Variants in DENND1A observed in about 807,000 individuals in gnomAD.
DENND1A encodes the protein DENN domain containing 1A, also known as DENN domain-containing protein 1A.
Under a neutral mutation model 113.7 loss-of-function variants are expected in DENND1A, and 51 were observed. The observed-to-expected ratio is 0.45, with a 90% confidence interval of 0.36 to 0.57. DENND1A has a LOEUF of 0.57. DENND1A is among the 20% of genes least tolerant of loss of function. The pLI is 0.00. For missense variants in DENND1A, 1,258 were observed against 1,395.9 expected (o/e 0.90, Z 1.57); for synonymous variants, 565 against 570.8 (o/e 0.99, Z 0.14).
Position 123,680,412 on chromosome 9 carries a change from G to A in DENND1A, c.303-3623C>T, listed in dbSNP as rs552449289. On this transcript the variant is annotated intron_variant, in intron 5 of 23. Transcript: ENST00000394215. Reference sequence around the variant, plus strand: ...GGCCCTTGTAAGGAGGGCAAGGGCAGGTTCTAAAGACAGCACTTATGGCAG... The same window carrying A: ...GGCCCTTGTAAGGAGGGCAAGGGCAAGTTCTAAAGACAGCACTTATGGCAG... Among the ~76,000 whole-genome samples the A allele has an allele frequency of 7.2e-5, 11 of 152,366 alleles. No homozygotes were observed. In the East Asian group the frequency reaches 2.1e-3, roughly 29 times the overall value.
At chr9:123,417,310 G>T (rs1233057705) in intron 19 of DENND1A, among the ~76,000 whole-genome samples, 1 of 152,212 alleles carries the variant, frequency 6.6e-6, no homozygotes, top group African/African-American at 2.4e-5. Flanking sequence ...TATCAGCAAG[G>T]TTCTGTTGAA....
intron 13 of DENND1A, among the ~76,000 whole-genome samples, chr9:123,461,386 A>G (rs1254128438): frequency 1.3e-5 from 2 of 152,200 alleles, no homozygotes; most frequent in Admixed American, 6.5e-5. Context: ...CCACGAAATG[A>G]GTTGAACCCT....
At chr9:123,734,301 T>C (rs1202867685) in intron 5 of DENND1A, among the ~76,000 whole-genome samples, 4 of 152,166 alleles carry the variant, frequency 2.6e-5, no homozygotes, top group East Asian at 1.9e-4. Context: ...TCAGAGGAAA[T>C]TGCCTGTTTA....
chr9:123,835,137 T>C (rs1041155563), intron 2 of DENND1A, among the ~76,000 whole-genome samples: 1 of 149,472 alleles, frequency 6.7e-6, no homozygotes, highest in Non-Finnish European at 1.5e-5. Context: ...AGCAAATGTC[T>C]CTTCTATTAT....
At chr9:123,464,825 CTT>C (rs1386579546) in intron 13 of DENND1A, among the ~76,000 whole-genome samples, 2 of 151,498 alleles carry the variant, frequency 1.3e-5, no homozygotes, top group Admixed American at 6.6e-5. Flanking sequence ...GGTTCACTGA[CTT>C]TGTATAAGTT....
intron 5 of DENND1A, among the ~76,000 whole-genome samples, chr9:123,692,477 A>T (rs1349326497): frequency 7.2e-5 from 11 of 152,214 alleles, no homozygotes; most frequent in Admixed American, 2.6e-4. Context: ...AAAGCAAATT[A>T]AAAAAAGATG....
At chr9:123,792,061 A>G (rs1833065123) in intron 3 of DENND1A, among the ~76,000 whole-genome samples, 1 of 152,212 alleles carries the variant, frequency 6.6e-6, no homozygotes, top group Non-Finnish European at 1.5e-5. Flanking sequence ...TCAAGATGGT[A>G]GAGCCAACTG....
chr9:123,776,307 G>A (rs1044086300), intron 3 of DENND1A, among the ~76,000 whole-genome samples: 3 of 152,086 alleles, frequency 2.0e-5, no homozygotes, highest in African/African-American at 7.2e-5. Flanking sequence ...CCGTATTAAC[G>A]CATACAACTG....
At chr9:123,903,358 A>AAAAAAC (rs1852076166) in intron 1 of DENND1A, among the ~76,000 whole-genome samples, 2 of 147,050 alleles carry the variant, frequency 1.4e-5, no homozygotes, top group African/African-American at 2.6e-5. Context: ...AAAAAAAAAA[A>AAAAAAC]CTGGAAAAAA....
intron 11 of DENND1A, among the ~76,000 whole-genome samples, chr9:123,593,503 A>AG (rs1198817941): frequency 1.3e-5 from 2 of 152,150 alleles, no homozygotes; most frequent in Non-Finnish European, 2.9e-5. Flanking sequence ...GAGAGGGCAC[A>AG]GTGTCATGTG....
intron 18 of DENND1A, among the ~76,000 whole-genome samples, chr9:123,448,342 T>G (rs555540413): frequency 6.6e-6 from 1 of 152,356 alleles, no homozygotes; most frequent in South Asian, 2.1e-4. Context: ...AAGGGGATTT[T>G]CCTAAGGCCA....
chr9:123,807,819 T>C (rs1835853647), intron 2 of DENND1A, among the ~76,000 whole-genome samples: 1 of 152,230 alleles, frequency 6.6e-6, no homozygotes, highest in African/African-American at 2.4e-5. Context: ...TCTGTAACTC[T>C]ACAAGGTAAG....
intron 1 of DENND1A, among the ~76,000 whole-genome samples, chr9:123,920,402 C>G (rs1856011788): frequency 6.6e-6 from 1 of 152,156 alleles, no homozygotes; most frequent in Non-Finnish European, 1.5e-5. Context: ...GCACTCCAGC[C>G]TGGGCGACAA....
rs2044511685 is a variant in DENND1A, at chr9:123,413,906, T to C, written c.1489-2077A>G. 3 of 985,380 alleles carry C rather than the reference T, an allele frequency of 3.0e-6. No individual in the cohort carries two copies. In the South Asian group the frequency reaches 1.4e-4, roughly 46 times the overall value. The allele number at this position is 985,380 out of a possible 1,614,324, so 61.0% of individuals were successfully genotyped here. On this transcript the variant is annotated intron_variant, in intron 19 of 23. Coordinates refer to ENST00000394215, the MANE Select transcript of DENND1A (RefSeq NM_001352964.2). ...GAGGGGAGCCCACCCCCTCCACCGG[T>C]GCACAGGCTGCTACCCTGTCTAGAC... is the stretch of plus-strand genomic sequence containing the variant.
intron 10 of DENND1A, among the ~76,000 whole-genome samples, chr9:123,616,891 G>A (rs1043288382): frequency 6.6e-6 from 1 of 152,272 alleles, no homozygotes; most frequent in Admixed American, 6.5e-5. Flanking sequence ...GAAGCTCACA[G>A]TTAATGGCAG....
chr9:123,789,606 C>T (rs1389206261), intron 3 of DENND1A, among the ~76,000 whole-genome samples: 1 of 152,080 alleles, frequency 6.6e-6, no homozygotes, highest in Non-Finnish European at 1.5e-5. Flanking sequence ...TCATCCCACG[C>T]AGACAACTGG....
Position 123,757,752 on chromosome 9 carries a change from C to T in DENND1A, c.253G>A (p.Gly85Arg), listed in dbSNP as rs2070692636. 4 of 1,613,872 alleles carry T rather than the reference C, an allele frequency of 2.5e-6. No individual in the cohort carries two copies. Among genetic ancestry groups the T allele is most frequent in the Non-Finnish European group, 3.4e-6 (4 of 1,179,972 alleles). Residue 85 changes from glycine (G) to arginine (R), a missense_variant, in exon 5 of 24, where the codon GGG becomes AGG. Physicochemically the swap from Gly to Arg is moderately radical, Grantham distance 125 (BLOSUM62 -2). This residue lies in a region of DENND1A where 99 missense variants were observed against 164.2 expected (regional missense o/e 0.60). Coordinates refer to ENST00000394215, the MANE Select transcript of DENND1A (RefSeq NM_001352964.2). ...GCTCCTGAAGATAAGCGGCAGAACCCGAATCTCTGTTTGCTGTCAATGTCA... is the reference window on the plus strand; with the variant it reads ...GCTCCTGAAGATAAGCGGCAGAACCTGAATCTCTGTTTGCTGTCAATGTCA... ...LTDIDSKQRF[G>R]FCRLSSGAKS...
At chr9:123,594,144 A>G (rs2059584983) in intron 11 of DENND1A, among the ~76,000 whole-genome samples, 1 of 152,184 alleles carries the variant, frequency 6.6e-6, no homozygotes, top group Non-Finnish European at 1.5e-5. Context: ...GAATGGACTA[A>G]TACATGCCTC....
At position 123,416,904 on chromosome 9, in the gene DENND1A, T is replaced by A. The variant is rs80039655; in HGVS notation, c.1489-5075A>T. ...GTCCTTGTCCTTGAGGACTGCAGAG[T>A]CTGGTGGGATTTGACCTACACCATG... On this transcript the variant is annotated intron_variant, in intron 19 of 23. Transcript: ENST00000394215. Among the ~76,000 whole-genome samples the A allele has an allele frequency of 3.0e-3, 453 of 152,120 alleles. 2 individuals carry two copies. Among genetic ancestry groups the A allele is most frequent in the African/African-American group, 0.01 (428 of 41,498 alleles).
Sources: allele counts gnomAD v4.1 joint callset (sites outside exome capture counted in the v4.1 genomes callset), GRCh38; gene constraint gnomAD v4.1.1; regional missense constraint gnomAD v4.1.1; transcripts MANE v1.5; gene names NCBI Gene and HGNC (gene_info 2026-07-23, HGNC 2026-07-21).